ATP2C1: variants seen among roughly 807,000 people sequenced by gnomAD.
ATP2C1 encodes calcium-transporting ATPase type 2C member 1.
Under a neutral mutation model 120.5 loss-of-function variants are expected in ATP2C1, and 31 were observed. The ratio of observed to expected loss-of-function variants is 0.26; its 90% CI spans 0.19 to 0.35. The LOEUF (loss-of-function observed/expected upper bound fraction) is 0.35, where lower values mean the gene tolerates loss of function less well. ATP2C1 is among the 10% of genes least tolerant of loss of function. The pLI is 1.00. For missense variants in ATP2C1, 731 were observed against 1,107.5 expected, an observed-to-expected ratio of 0.66 and a Z score of 4.83; for synonymous variants, 351 against 358.7, an observed-to-expected ratio of 0.98 and a Z score of 0.24.
intron 17 of ATP2C1, among the ~76,000 whole-genome samples, chr3:130,974,660 G>T (rs528629504): frequency 6.6e-6 from 1 of 152,020 alleles, no homozygotes; most frequent in Non-Finnish European, 1.5e-5. Flanking sequence ...AGATGGGGAG[G>T]GGGGGAATAG....
chr3:130,912,313 G>T (rs1278527478), intron 2 of ATP2C1, among the ~76,000 whole-genome samples: 3 of 149,762 alleles, frequency 2.0e-5, no homozygotes, highest in Non-Finnish European at 4.5e-5. Flanking sequence ...GAGTGAACAG[G>T]AAACCTACAA....
intron 1 of ATP2C1, among the ~76,000 whole-genome samples, chr3:130,855,729 G>A (rs746565577): frequency 2.0e-5 from 3 of 152,104 alleles, no homozygotes; most frequent in Non-Finnish European, 4.4e-5. Flanking sequence ...GATGCCTGAG[G>A]GTCAACTTGT....
At chr3:130,962,012 C>T (rs2060842571) in intron 12 of ATP2C1, among the ~76,000 whole-genome samples, 1 of 152,020 alleles carries the variant, frequency 6.6e-6, no homozygotes, top group African/African-American at 2.4e-5. Context: ...TCCAGTTAAT[C>T]ATTCTGCAGC....
At chr3:130,969,006 A>G (rs1559989140) in intron 16 of ATP2C1, among the ~76,000 whole-genome samples, 1 of 152,166 alleles carries the variant, frequency 6.6e-6, no homozygotes, top group African/African-American at 2.4e-5. Flanking sequence ...GCTTCCTTTC[A>G]GAATTTGAGT....
chr3:130,937,016 C>T (rs1345345818), intron 5 of ATP2C1, among the ~76,000 whole-genome samples: 1 of 113,498 alleles, frequency 8.8e-6, no homozygotes, highest in Non-Finnish European at 2.3e-5. Flanking sequence ...ATTTTTCTCA[C>T]AATTTTTTTG....
chr3:130,945,235 G>A (rs1046327902), intron 8 of ATP2C1, among the ~76,000 whole-genome samples: 2 of 152,060 alleles, frequency 1.3e-5, no homozygotes, highest in African/African-American at 4.8e-5. Context: ...TTAGTGTTGA[G>A]AAGAGGCACC....
At chr3:130,918,628 A>G in intron 2 of ATP2C1, 2 of 650,546 alleles carry the variant, frequency 3.1e-6, no homozygotes, top group African/African-American at 3.6e-5. Flanking sequence ...CAGGATTTGC[A>G]GTAAATCTCT....
chr3:130,926,661 A>G (rs1482645712), intron 2 of ATP2C1, among the ~76,000 whole-genome samples: 2 of 152,246 alleles, frequency 1.3e-5, no homozygotes, highest in Admixed American at 6.5e-5. Context: ...TACTAAGGCT[A>G]GGAATGTCAC....
intron 8 of ATP2C1, among the ~76,000 whole-genome samples, chr3:130,946,878 C>A (rs988707951): frequency 6.6e-6 from 1 of 152,128 alleles, no homozygotes; most frequent in African/African-American, 2.4e-5. Flanking sequence ...GTTATGAAAC[C>A]ATTTTCGCCA....
intron 2 of ATP2C1, among the ~76,000 whole-genome samples, chr3:130,925,900 G>C (rs1468193965): frequency 6.6e-6 from 1 of 152,096 alleles, no homozygotes; most frequent in Non-Finnish European, 1.5e-5. Context: ...CCAGGGAAGT[G>C]GGGGAAAGCT....
chr3:130,986,909 TTTAGTTTAGTTTAG>T (rs1372793114), intron 20 of ATP2C1, among the ~76,000 whole-genome samples: 1 of 7,054 alleles, frequency 1.4e-4, no homozygotes, highest in South Asian at 7.1e-3. Flanking sequence ...TTTAGTTTAG[TTTAGTTTAGTTTAG>T]TTAGTTTAGT....
intron 20 of ATP2C1, among the ~76,000 whole-genome samples, chr3:130,986,259 T>G (rs2062008244): frequency 6.6e-6 from 1 of 151,934 alleles, no homozygotes; most frequent in Non-Finnish European, 1.5e-5. Context: ...AATCCCATAT[T>G]GGATTTTTTT....
rs933762064 is a variant in ATP2C1 at position 130,997,506 on chromosome 3, G to A, written c.2244-100G>A. ...TGCAACATTTTGTTTCTATAAGAAA[G>A]CATTTAGTTTGCCGAATAATTGAGG... On this transcript the variant is annotated intron_variant, in intron 24 of 27. Coordinates refer to ENST00000510168, the MANE Select transcript of ATP2C1 (RefSeq NM_001378687.1). The A allele has an allele frequency of 7.3e-6, 8 of 1,103,332 alleles. No homozygotes were observed. In the African/African-American group the frequency reaches 1.1e-4, roughly 15 times the overall value. 68.3% of individuals were successfully genotyped at this position (1,103,332 alleles called of 1,614,324 possible).
chr3:130,879,548 TG>T (rs2068717468), intron 1 of ATP2C1, among the ~76,000 whole-genome samples: 1 of 152,270 alleles, frequency 6.6e-6, no homozygotes, highest in Non-Finnish European at 1.5e-5. Flanking sequence ...TTTCCTTTTT[TG>T]GTATTCTGCT....
intron 6 of ATP2C1, among the ~76,000 whole-genome samples, chr3:130,939,110 C>G (rs149273855): frequency 1.3e-5 from 2 of 152,114 alleles, no homozygotes; most frequent in African/African-American, 2.4e-5. Context: ...ACCAAATATG[C>G]CTGTGAAACC....
chr3:130,934,212 T>C (rs1363439274), intron 4 of ATP2C1, among the ~76,000 whole-genome samples: 2 of 152,196 alleles, frequency 1.3e-5, no homozygotes, highest in East Asian at 3.8e-4. Context: ...TCTACACCAT[T>C]GTACTTGAGA....
At chr3:130,895,390 C>CATT (rs2069524638) in intron 2 of ATP2C1, among the ~76,000 whole-genome samples, 2 of 152,316 alleles carry the variant, frequency 1.3e-5, no homozygotes, top group East Asian at 3.9e-4. Context: ...ACTTTGGACA[C>CATT]ATTAGATCGT....
At chr3:131,016,577 T>G in exon 27 of ATP2C1, 1 of 539,444 alleles carries the variant, frequency 1.9e-6, no homozygotes, top group Non-Finnish European at 3.3e-6. Context: ...TTCCCTGAAA[T>G]AAGATCTTTT....
At chr3:130,897,443 T>G (rs1051143153) in intron 2 of ATP2C1, among the ~76,000 whole-genome samples, 11 of 152,198 alleles carry the variant, frequency 7.2e-5, no homozygotes, top group African/African-American at 2.4e-4. Context: ...GAGTAATAAA[T>G]GAAGCCGCCA....
Sources: allele counts gnomAD v4.1 joint callset (sites outside exome capture counted in the v4.1 genomes callset), GRCh38; gene constraint gnomAD v4.1.1; transcripts MANE v1.5; gene names NCBI Gene and HGNC (gene_info 2026-07-23, HGNC 2026-07-21).